Variants in FMNL2 observed in about 807,000 individuals in gnomAD.
FMNL2 encodes formin like 2.
FMNL2 carries 51 observed loss-of-function variants against 130.2 expected under a neutral mutation model. The ratio of observed to expected loss-of-function variants is 0.39; its 90% CI spans 0.31 to 0.49. The LOEUF (loss-of-function observed/expected upper bound fraction) is 0.49. FMNL2 is among the 20% of genes least tolerant of loss of function. The probability of loss-of-function intolerance (pLI) is 0.85; values close to 1 mark genes in which losing one functional copy is unlikely to be tolerated. For synonymous variants in FMNL2, 465 were observed against 467.1 expected, an observed-to-expected ratio of 1.00 and a Z score of 0.06; for missense variants, 977 against 1,316.2, an observed-to-expected ratio of 0.74 and a Z score of 3.99.
Position 152,564,996 on chromosome 2 carries a change from T to G in FMNL2, c.596+3961T>G, listed in dbSNP as rs564065334. ...CTATTGATGCAGTAGAGACCTGGTT[T>G]GTATTGTCTTCTAAAATTAGAATGT... On this transcript the variant is annotated intron_variant, in intron 6 of 25. Coordinates refer to ENST00000288670, the MANE Select transcript of FMNL2 (RefSeq NM_052905.4). Among the ~76,000 whole-genome samples, 12 of 152,214 alleles carry G rather than the reference T, an allele frequency of 7.9e-5. No individual in the cohort carries two copies. The South Asian group carries it at 2.5e-3, about 32-fold the overall frequency.
chr2:152,586,963 A>G (rs145696349), intron 9 of FMNL2, among the ~76,000 whole-genome samples: 48 of 152,208 alleles, frequency 3.2e-4, no homozygotes, highest in African/African-American at 1.1e-3. Flanking sequence ...GGAAGACCTG[A>G]TTGACTGGGG....
intron 1 of FMNL2, among the ~76,000 whole-genome samples, chr2:152,343,727 C>T (rs964402142): frequency 6.6e-6 from 1 of 152,320 alleles, no homozygotes; most frequent in East Asian, 1.9e-4. Flanking sequence ...AACCTGACTT[C>T]CCTTCCTTGT....
chr2:152,578,648 C>T (rs1487217875), intron 7 of FMNL2: 13 of 330,708 alleles, frequency 3.9e-5, no homozygotes, highest in Non-Finnish European at 6.0e-5. Flanking sequence ...AGCTGTACCC[C>T]CCGCCTCAGC....
At chr2:152,542,462 G>T (rs1694363880) in intron 2 of FMNL2, among the ~76,000 whole-genome samples, 2 of 152,176 alleles carry the variant, frequency 1.3e-5, no homozygotes, top group Non-Finnish European at 2.9e-5. Flanking sequence ...ACTGACTCTG[G>T]AGTTGAGCAG....
chr2:152,471,648 G>A (rs1673000799), intron 1 of FMNL2, among the ~76,000 whole-genome samples: 2 of 151,912 alleles, frequency 1.3e-5, no homozygotes, highest in Non-Finnish European at 2.9e-5. Flanking sequence ...TTTTAACCTT[G>A]GCTTCTCACA....
chr2:152,373,631 C>G (rs1684008171), intron 1 of FMNL2, among the ~76,000 whole-genome samples: 1 of 152,170 alleles, frequency 6.6e-6, no homozygotes, highest in Non-Finnish European at 1.5e-5. Context: ...AACGCAATGT[C>G]TACACATCAC....
chr2:152,359,315 A>G (rs149936112), intron 1 of FMNL2, among the ~76,000 whole-genome samples: 14 of 152,300 alleles, frequency 9.2e-5, no homozygotes, highest in African/African-American at 3.1e-4. Context: ...GTAACCTAAG[A>G]GGAAATTTAG....
chr2:152,364,288 T>TACCAGATCCTTAGATA (rs1683381016), intron 1 of FMNL2, among the ~76,000 whole-genome samples: 1 of 144,276 alleles, frequency 6.9e-6, no homozygotes, highest in Non-Finnish European at 1.5e-5. Context: ...TTTTTTTTTT[T>TACCAGATCCTTAGATA]TTTTACCAGA....
At chr2:152,407,609 G>A (rs1686055801) in intron 1 of FMNL2, among the ~76,000 whole-genome samples, 1 of 152,112 alleles carries the variant, frequency 6.6e-6, no homozygotes, top group Non-Finnish European at 1.5e-5. Flanking sequence ...TCAGCATTTT[G>A]GCTGAATTTT....
chr2:152,386,662 C>A (rs1279101752), intron 1 of FMNL2, among the ~76,000 whole-genome samples: 1 of 143,538 alleles, frequency 7.0e-6, no homozygotes, highest in Admixed American at 7.6e-5. Context: ...TTCAGCAATT[C>A]ATTGTCTGTC....
rs1048047536 is a variant in FMNL2, at chr2:152,514,919, A to G, written c.118-7024A>G. Among the ~76,000 whole-genome samples, 5 of 152,296 alleles carry G rather than the reference A, an allele frequency of 3.3e-5. No homozygotes were observed. The South Asian group carries it at 6.2e-4, about 19-fold the overall frequency. On this transcript the variant is annotated intron_variant, in intron 1 of 25. Transcript: ENST00000288670. ...TCGAATTTAATTTTGCCCAAACTCT[A>G]TGATGCAGGTAGTAACATTACCACC... is the stretch of plus-strand genomic sequence containing the variant.
At chr2:152,387,315 C>T (rs1684839165) in intron 1 of FMNL2, among the ~76,000 whole-genome samples, 1 of 152,154 alleles carries the variant, frequency 6.6e-6, no homozygotes, top group Admixed American at 6.5e-5. Context: ...TAGACAGATG[C>T]TTTTCTTAAT....
intron 6 of FMNL2, among the ~76,000 whole-genome samples, chr2:152,572,843 A>G (rs545515253): frequency 6.6e-6 from 1 of 152,136 alleles, no homozygotes; most frequent in East Asian, 1.9e-4. Context: ...TAATTAAAGC[A>G]AAGAAACCAA....
chr2:152,631,904 C>G (rs1297669253), intron 20 of FMNL2, 104 bp from the exon 21 acceptor site: 33 of 1,298,006 alleles, frequency 2.5e-5, no homozygotes, highest in African/African-American at 4.5e-5. Context: ...TGTTGGGCGA[C>G]TGTTACTCAG....
intron 9 of FMNL2, among the ~76,000 whole-genome samples, chr2:152,596,706 C>T (rs934467117): frequency 1.3e-5 from 2 of 152,184 alleles, no homozygotes; most frequent in Non-Finnish European, 2.9e-5. Flanking sequence ...AAGATAGCTG[C>T]ATTCTTAGAT....
At chr2:152,376,511 G>A (rs1350514479) in intron 1 of FMNL2, among the ~76,000 whole-genome samples, 1 of 152,180 alleles carries the variant, frequency 6.6e-6, no homozygotes, top group Non-Finnish European at 1.5e-5. Flanking sequence ...GGACTCATTG[G>A]GGCCGAGGAA....
At chr2:152,547,653 G>A (rs537471346) in intron 3 of FMNL2, among the ~76,000 whole-genome samples, 12 of 152,260 alleles carry the variant, frequency 7.9e-5, no homozygotes, top group South Asian at 4.1e-4. Flanking sequence ...AGGTGTGGGC[G>A]TAGCTCTTGC....
At chr2:152,451,002 C>G (rs1688610920) in intron 1 of FMNL2, among the ~76,000 whole-genome samples, 1 of 152,206 alleles carries the variant, frequency 6.6e-6, no homozygotes, top group Admixed American at 6.5e-5. Flanking sequence ...TTTTGTTCTG[C>G]CTTCTACGCT....
chr2:152,349,943 A>G (rs887372507), intron 1 of FMNL2, among the ~76,000 whole-genome samples: 2 of 152,156 alleles, frequency 1.3e-5, no homozygotes, highest in Non-Finnish European at 2.9e-5. Flanking sequence ...TGTTGTAGGC[A>G]CTGGAGGATG....
Sources: allele counts gnomAD v4.1 joint callset (sites outside exome capture counted in the v4.1 genomes callset), GRCh38; gene constraint gnomAD v4.1.1; transcripts MANE v1.5; gene names NCBI Gene and HGNC (gene_info 2026-07-23, HGNC 2026-07-21).